The following ANKFN1 variants were observed in gnomAD, a reference collection of about 807,000 sequenced individuals.
ANKFN1 encodes the protein ankyrin repeat and fibronectin type III domain containing 1.
In ANKFN1, 74 loss-of-function variants were observed where a neutral mutation model predicts 108.7. The ratio of observed to expected loss-of-function variants is 0.68; its 90% CI spans 0.56 to 0.83. ANKFN1 has a LOEUF of 0.83. Ranked by LOEUF, ANKFN1 falls within the 40% of genes least tolerant of loss-of-function variation. ANKFN1 has a pLI of 0.00. For missense variants in ANKFN1, 1,505 were observed against 1,382.3 expected (o/e 1.09, Z -1.41); for synonymous variants, 547 against 516.2 (o/e 1.06, Z -0.81).
At chr17:56,468,744 G>A (rs1037438692) in intron 15 of ANKFN1, among the ~76,000 whole-genome samples, 1 of 152,126 alleles carries the variant, frequency 6.6e-6, no homozygotes, top group Non-Finnish European at 1.5e-5. Flanking sequence ...ATGAAGCAAA[G>A]GTAAGCTAAT....
chr17:56,361,105 T>C (rs1030120941), intron 6 of ANKFN1, among the ~76,000 whole-genome samples: 1 of 152,178 alleles, frequency 6.6e-6, no homozygotes, highest in Non-Finnish European at 1.5e-5. Flanking sequence ...TGTGTGTGGC[T>C]TTTTTTACTT....
chr17:56,246,465 C>T (rs1598298411), intron 3 of ANKFN1, among the ~76,000 whole-genome samples: 2 of 152,164 alleles, frequency 1.3e-5, no homozygotes, highest in Non-Finnish European at 2.9e-5. Context: ...TTAATGGCTA[C>T]AGCTCAGGCT....
intron 4 of ANKFN1, among the ~76,000 whole-genome samples, chr17:56,329,989 C>A (rs2045617189): frequency 6.6e-6 from 1 of 152,140 alleles, no homozygotes; most frequent in Non-Finnish European, 1.5e-5. Flanking sequence ...TTTCCAGTCT[C>A]CAGAACTGTG....
chr17:56,070,112 A>G (rs150433580), intron 4 of ANKFN1, among the ~76,000 whole-genome samples: 12 of 152,072 alleles, frequency 7.9e-5, no homozygotes, highest in African/African-American at 2.9e-4. Context: ...TCTTGTGCCC[A>G]CCTCCTATCT....
chr17:56,296,499 C>T (rs931130170), intron 3 of ANKFN1, among the ~76,000 whole-genome samples: 1 of 152,154 alleles, frequency 6.6e-6, no homozygotes, highest in Non-Finnish European at 1.5e-5. Context: ...GCCTGGCCAA[C>T]ATGGTGAAAC....
intron 8 of ANKFN1, among the ~76,000 whole-genome samples, chr17:56,410,355 A>G (rs1235481362): frequency 6.6e-6 from 1 of 152,116 alleles, no homozygotes; most frequent in African/African-American, 2.4e-5. Flanking sequence ...TCGGCCTCCC[A>G]AAGTGCTGGG....
chr17:56,284,625 T>C (rs1462882127), intron 3 of ANKFN1, among the ~76,000 whole-genome samples: 1 of 152,228 alleles, frequency 6.6e-6, no homozygotes, highest in Non-Finnish European at 1.5e-5. Flanking sequence ...TGTGAAATTT[T>C]TGTTTCAGCT....
intron 3 of ANKFN1, among the ~76,000 whole-genome samples, chr17:56,318,706 C>G (rs1298758366): frequency 6.6e-6 from 1 of 152,168 alleles, no homozygotes; most frequent in African/African-American, 2.4e-5. Context: ...CTTCCTTATT[C>G]CACCAGCCAA....
chr17:56,296,412 G>C (rs1417900114), intron 3 of ANKFN1, among the ~76,000 whole-genome samples: 1 of 152,134 alleles, frequency 6.6e-6, no homozygotes, highest in Non-Finnish European at 1.5e-5. Flanking sequence ...GGTCAGGCGA[G>C]GTGGCTCACA....
chr17:56,240,741 T>C (rs1161486636), intron 3 of ANKFN1, among the ~76,000 whole-genome samples: 1 of 152,054 alleles, frequency 6.6e-6, no homozygotes, highest in Non-Finnish European at 1.5e-5. Flanking sequence ...AGTAAAATGG[T>C]GTGTCATTTT....
chr17:56,189,880 G>A (rs1051957980), intron 1 of ANKFN1, among the ~76,000 whole-genome samples: 7 of 151,878 alleles, frequency 4.6e-5, no homozygotes, highest in African/African-American at 1.2e-4. Context: ...TAGAGAGCAC[G>A]GAAGTCAACC....
At chr17:56,440,240 T>G in intron 8 of ANKFN1, 87 bp from the exon 9 acceptor site, 1 of 719,894 alleles carries the variant, frequency 1.4e-6, no homozygotes, top group African/African-American at 1.7e-5. Flanking sequence ...AGGGATTGTA[T>G]GCTAGAGTTT....
intron 3 of ANKFN1, among the ~76,000 whole-genome samples, chr17:56,301,220 T>C (rs895968252): frequency 6.6e-6 from 1 of 152,216 alleles, no homozygotes; most frequent in Non-Finnish European, 1.5e-5. Flanking sequence ...CTGGAGTTGT[T>C]TGACCTGCAT....
intron 20 of ANKFN1, among the ~76,000 whole-genome samples, chr17:56,508,063 T>G (rs2051625406): frequency 6.6e-6 from 1 of 152,214 alleles, no homozygotes; most frequent in South Asian, 2.1e-4. Context: ...TGAATGACTT[T>G]CCTGGACTTC....
chr17:56,121,872 G>A (rs1906642049), intron 4 of ANKFN1, among the ~76,000 whole-genome samples: 2 of 152,188 alleles, frequency 1.3e-5, no homozygotes, highest in Admixed American at 6.6e-5. Context: ...TGTACTAGAC[G>A]TGAAGCCTTT....
intron 4 of ANKFN1, among the ~76,000 whole-genome samples, chr17:56,069,663 G>A (rs1338614292): frequency 6.6e-6 from 1 of 152,114 alleles, no homozygotes; most frequent in African/African-American, 2.4e-5. Flanking sequence ...CGATCTAAAG[G>A]CCAGAATCCT....
chr17:56,453,817 A>G (rs997148103), intron 11 of ANKFN1, among the ~76,000 whole-genome samples: 95 of 151,884 alleles, frequency 6.3e-4, no homozygotes, highest in African/African-American at 2.3e-3. Flanking sequence ...CATATTTTGA[A>G]GGTATTGTTT....
intron 4 of ANKFN1, among the ~76,000 whole-genome samples, chr17:56,139,240 C>T (rs1907776233): frequency 6.6e-6 from 1 of 152,148 alleles, no homozygotes; most frequent in Admixed American, 6.5e-5. Context: ...AAGAACCCAC[C>T]ATTGTTCACT....
intron 8 of ANKFN1, among the ~76,000 whole-genome samples, chr17:56,432,556 A>G (rs147336701): frequency 7.7e-4 from 117 of 152,330 alleles, no homozygotes; most frequent in Non-Finnish European, 1.5e-3. Context: ...TTGTCAGTCC[A>G]TGACTGCTGC....
Sources: allele counts gnomAD v4.1 joint callset (sites outside exome capture counted in the v4.1 genomes callset), GRCh38; gene constraint gnomAD v4.1.1; transcripts MANE v1.5; gene names NCBI Gene and HGNC (gene_info 2026-07-23, HGNC 2026-07-21).